Variants in HPSE2 observed in about 807,000 individuals in gnomAD.
HPSE2 encodes inactive heparanase-2.
HPSE2 carries 38 observed loss-of-function variants against 60.5 expected under a neutral mutation model. The ratio of observed to expected loss-of-function variants is 0.63; its 90% CI spans 0.48 to 0.82. The LOEUF is 0.82. Ranked by LOEUF, HPSE2 falls within the 40% of genes least tolerant of loss-of-function variation. The pLI is 0.00. For missense variants in HPSE2, 713 were observed against 740.4 expected, an observed-to-expected ratio of 0.96 and a Z score of 0.43; for synonymous variants, 295 against 293.2, an observed-to-expected ratio of 1.01 and a Z score of -0.06.
At chr10:98,531,856 C>G (rs1369744212) in intron 9 of HPSE2, among the ~76,000 whole-genome samples, 8 of 152,252 alleles carry the variant, frequency 5.3e-5, no homozygotes, top group African/African-American at 1.4e-4. Context: ...CTTTATCTCT[C>G]TGTGTGTCAA....
chr10:99,082,874 C>T (rs1342579), intron 3 of HPSE2, among the ~76,000 whole-genome samples: 24,948 of 151,924 alleles, frequency 0.16, 2,431 homozygotes, highest in Admixed American at 0.24. Context: ...AACTGAATTT[C>T]GAAAATAAAT....
At chr10:99,130,644 G>A (rs1935667) in intron 3 of HPSE2, among the ~76,000 whole-genome samples, 24,722 of 152,058 alleles carry the variant, frequency 0.16, 2,381 homozygotes, top group Admixed American at 0.24. Flanking sequence ...GGAGGGGGGC[G>A]TCTAGTTAAA....
At chr10:99,215,235 AC>A (rs1849079792) in intron 2 of HPSE2, among the ~76,000 whole-genome samples, 1 of 152,198 alleles carries the variant, frequency 6.6e-6, no homozygotes, top group African/African-American at 2.4e-5. Context: ...CTTTATTTTC[AC>A]CAATGAAGAA....
At chr10:99,161,242 A>T (rs1846830913) in intron 2 of HPSE2, among the ~76,000 whole-genome samples, 1 of 151,990 alleles carries the variant, frequency 6.6e-6, no homozygotes, top group Admixed American at 6.6e-5. Context: ...AAGGACTTGT[A>T]CATGAATATT....
chr10:99,032,324 C>T (rs184438615), intron 3 of HPSE2, among the ~76,000 whole-genome samples: 181 of 152,128 alleles, frequency 1.2e-3, no homozygotes, highest in African/African-American at 4.2e-3. Flanking sequence ...GAAAAAAAAT[C>T]GTCAAATAAG....
chr10:98,730,564 C>T (rs1372782604), intron 4 of HPSE2, among the ~76,000 whole-genome samples: 1 of 151,164 alleles, frequency 6.6e-6, no homozygotes, highest in Non-Finnish European at 1.5e-5. Context: ...AACCGATATA[C>T]CTTTAGTTAG....
chr10:99,153,507 G>C (rs968868289), intron 2 of HPSE2, among the ~76,000 whole-genome samples: 57 of 151,486 alleles, frequency 3.8e-4, no homozygotes, highest in Non-Finnish European at 7.2e-4. Flanking sequence ...CACCTCACAC[G>C]GCAGGGTATT....
chr10:98,726,801 G>A (rs2134270511), intron 4 of HPSE2, among the ~76,000 whole-genome samples: 1 of 152,048 alleles, frequency 6.6e-6, no homozygotes, highest in African/African-American at 2.4e-5. Flanking sequence ...GATAGTAGGA[G>A]GATTCCTAGC....
At chr10:98,626,092 C>T (rs1308438321) in intron 7 of HPSE2, among the ~76,000 whole-genome samples, 2 of 138,152 alleles carry the variant, frequency 1.4e-5, no homozygotes, top group African/African-American at 2.8e-5. Flanking sequence ...GGCGACAGAG[C>T]GAGACTCCGT....
intron 3 of HPSE2, among the ~76,000 whole-genome samples, chr10:99,046,474 A>G (rs1031221548): frequency 6.6e-6 from 1 of 152,110 alleles, no homozygotes; most frequent in African/African-American, 2.4e-5. Context: ...TGGAAGTGCT[A>G]GCCAGTGCAA....
the HPSE2 span, among the ~76,000 whole-genome samples, chr10:99,287,736 A>G: frequency 6.6e-6 from 1 of 152,352 alleles, no homozygotes; most frequent in East Asian, 1.9e-4. Flanking sequence ...GAAAATCAAT[A>G]GCATTCATAT....
chr10:98,908,879 C>T (rs1372362905), intron 3 of HPSE2, among the ~76,000 whole-genome samples: 1 of 151,950 alleles, frequency 6.6e-6, no homozygotes, highest in East Asian at 1.9e-4. Context: ...TTTCATTTTC[C>T]TCCTGTCACA....
At chr10:98,939,769 C>G (rs1233398832) in intron 3 of HPSE2, among the ~76,000 whole-genome samples, 1 of 144,068 alleles carries the variant, frequency 6.9e-6, no homozygotes, top group East Asian at 2.0e-4. Context: ...CACAAATCAA[C>G]AAAATAAACA....
At chr10:98,460,257 G>A (rs1037832773) in intron 11 of HPSE2, among the ~76,000 whole-genome samples, 1 of 152,122 alleles carries the variant, frequency 6.6e-6, no homozygotes, top group African/African-American at 2.4e-5. Flanking sequence ...TTAGATAACT[G>A]ACATTACCTT....
At chr10:99,087,853 A>C (rs1843377502) in intron 3 of HPSE2, among the ~76,000 whole-genome samples, 1 of 152,192 alleles carries the variant, frequency 6.6e-6, no homozygotes, top group Non-Finnish European at 1.5e-5. Flanking sequence ...TTTTATCTGA[A>C]GAGTTGAAAT....
At chr10:98,594,007 G>A (rs894159811) in intron 9 of HPSE2, among the ~76,000 whole-genome samples, 3 of 151,764 alleles carry the variant, frequency 2.0e-5, no homozygotes, top group Non-Finnish European at 4.4e-5. Flanking sequence ...CTAGTTATTG[G>A]CTCATTTTTA....
At chr10:99,193,233 C>T (rs935228394) in intron 2 of HPSE2, among the ~76,000 whole-genome samples, 4 of 151,904 alleles carry the variant, frequency 2.6e-5, no homozygotes, top group South Asian at 2.1e-4. Context: ...ATGAGTTATA[C>T]GGTATTATTT....
chr10:98,530,448 G>A (rs929932415), intron 9 of HPSE2, among the ~76,000 whole-genome samples: 1 of 152,156 alleles, frequency 6.6e-6, no homozygotes, highest in Non-Finnish European at 1.5e-5. Context: ...TGATGCTGAT[G>A]GTCTGGGACT....
intron 3 of HPSE2, among the ~76,000 whole-genome samples, chr10:99,104,836 C>A (rs1176666352): frequency 6.6e-6 from 1 of 152,048 alleles, no homozygotes; most frequent in Non-Finnish European, 1.5e-5. Context: ...ACCACATGTT[C>A]TCACTCATAG....
Sources: gnomAD v4.1 joint callset for allele counts (sites outside exome capture counted in the v4.1 genomes callset) on GRCh38, gnomAD v4.1.1 for gene constraint, MANE v1.5 for transcripts, NCBI Gene and HGNC (gene_info 2026-07-23, HGNC 2026-07-21) for gene names.